Variants in NHSL1 observed in about 807,000 individuals in gnomAD.
The protein encoded by NHSL1 is NHS-like protein 1.
A neutral mutation model predicts 95.0 loss-of-function variants in NHSL1; 48 were observed. The observed-to-expected ratio is 0.51, with a 90% CI of 0.40 to 0.64. The LOEUF (loss-of-function observed/expected upper bound fraction) is 0.64, where lower values mean the gene tolerates loss of function less well. Among genes scored for constraint, NHSL1 ranks in the 30% least tolerant of loss-of-function variants. NHSL1 has a pLI of 0.00. For missense variants in NHSL1, 1,971 were observed against 2,077.7 expected (o/e 0.95, Z 1.00); for synonymous variants, 783 against 833.9 (o/e 0.94, Z 1.05).
chr6:138,494,979 A>G (rs572346149), intron 2 of NHSL1, among the ~76,000 whole-genome samples: 2 of 152,306 alleles, frequency 1.3e-5, no homozygotes, highest in South Asian at 4.1e-4. Context: ...GCAGTGGCTC[A>G]TGCCTGTAAT....
chr6:138,455,515 CCTG>C, intron 3 of NHSL1, among the ~76,000 whole-genome samples: 1 of 74,070 alleles, frequency 1.4e-5, no homozygotes, highest in African/African-American at 6.6e-5. Context: ...TCACATGCTC[CCTG>C]CAAGGAGCCC....
chr6:138,545,739 AGAGAGCGGGGCGGCCAGCCAGCGCCTGT>A, upstream of NHSL1: 1 of 1,248,142 alleles, frequency 8.0e-7, no homozygotes, highest in Non-Finnish European at 1.0e-6. Flanking sequence ...GCTCACTGCC[AGAGAGCGGGGCGGCCAGCCAGCGCCTGT>A]TACTCCAGGA....
chr6:138,672,885 C>T (rs1288056515), intron 1 of NHSL1, among the ~76,000 whole-genome samples: 1 of 152,018 alleles, frequency 6.6e-6, no homozygotes, highest in Non-Finnish European at 1.5e-5. Context: ...GGCATGGTGG[C>T]ACGCACTTGT....
chr6:138,553,547 C>A lies in NHSL1; in HGVS notation c.202+18163G>T, dbSNP rs73774832. 4.5e-3 allele frequency among the ~76,000 whole-genome samples: 683 copies of A among 152,278 alleles called. 6 individuals are homozygous for A. The highest frequency in any genetic ancestry group is 0.015 in the African/African-American group (640 of 41,564). ...TGATAGGTGATCCATGTTTGTTGCA[C>A]AGATATGTAAAGCAGAATTATTATT... is the stretch of plus-strand genomic sequence containing the variant. On this transcript the variant is annotated intron_variant, in intron 1 of 6. Coordinates refer to the NHSL1 transcript ENST00000427025.
At chr6:138,672,873 T>C (rs1356971284) in intron 1 of NHSL1, among the ~76,000 whole-genome samples, 1 of 151,988 alleles carries the variant, frequency 6.6e-6, no homozygotes, top group African/African-American at 2.4e-5. Context: ...AAAAATTAGC[T>C]GGGCATGGTG....
intron 1 of NHSL1, among the ~76,000 whole-genome samples, chr6:138,535,033 C>G (rs1782280308): frequency 6.6e-6 from 1 of 152,152 alleles, no homozygotes; most frequent in African/African-American, 2.4e-5. Context: ...CGAGCTTTTA[C>G]TCCGAGTGAA....
chr6:138,506,148 T>G (rs1317630795), intron 1 of NHSL1, among the ~76,000 whole-genome samples: 5 of 152,170 alleles, frequency 3.3e-5, no homozygotes, highest in African/African-American at 7.2e-5. Context: ...TTCTAAAAAT[T>G]TACATCATCT....
chr6:138,620,156 G>A (rs1180025547), intron 1 of NHSL1, among the ~76,000 whole-genome samples: 1 of 151,996 alleles, frequency 6.6e-6, no homozygotes, highest in Non-Finnish European at 1.5e-5. Context: ...TAGGTAAAGA[G>A]AAAGAAGAGC....
At chr6:138,565,529 G>A (rs566128866) in intron 1 of NHSL1, among the ~76,000 whole-genome samples, 31 of 152,178 alleles carry the variant, frequency 2.0e-4, no homozygotes, top group Non-Finnish European at 3.7e-4. Context: ...AGTAAGAGCT[G>A]ATGAGGGCCT....
Position 138,563,101 on chromosome 6 carries a change from ATC to A in NHSL1, c.202+8607_202+8608del, listed in dbSNP as rs142623858. 8.6e-3 allele frequency among the ~76,000 whole-genome samples: 1,305 copies of A among 152,238 alleles called. 22 individuals carry two copies. The highest frequency in any genetic ancestry group is 0.03 in the African/African-American group (1,246 of 41,544). On this transcript the variant is annotated intron_variant, in intron 1 of 6. Coordinates refer to the NHSL1 transcript ENST00000427025. ...TATACTCAGTTCCCTGCTTCCCCAC[ATC>A]TGTTTCTCTGCCCAGTTTTCAGTTC...
At chr6:138,671,854 A>G (rs1785375695) in intron 1 of NHSL1, among the ~76,000 whole-genome samples, 1 of 152,306 alleles carries the variant, frequency 6.6e-6, no homozygotes, top group Middle Eastern at 3.4e-3. Context: ...CGAATGGTGG[A>G]CACTGCTTTA....
intron 1 of NHSL1, among the ~76,000 whole-genome samples, chr6:138,518,658 C>A (rs528518134): frequency 6.6e-6 from 1 of 152,072 alleles, no homozygotes; most frequent in African/African-American, 2.4e-5. Context: ...CTACATACTA[C>A]GTTCTAATGG....
chr6:138,627,752 G>A (rs1447172632), intron 1 of NHSL1, among the ~76,000 whole-genome samples: 1 of 151,774 alleles, frequency 6.6e-6, no homozygotes, highest in Non-Finnish European at 1.5e-5. Context: ...GTGGTGGCGG[G>A]CGCCTGTAAT....
chr6:138,447,189 G>A lies in NHSL1; in HGVS notation c.344C>T (p.Ser115Phe), dbSNP rs1046490636. The A allele has an allele frequency of 1.3e-6, 2 of 1,550,038 alleles. No individual in the cohort carries two copies. The highest frequency in any genetic ancestry group is 1.7e-6 in the Non-Finnish European group (2 of 1,146,460). ...TCTTTCTTCTTCTGATGAAGACAGA[G>A]AACACTGCAGAGAAAAAAGAAGCAG... is the stretch of plus-strand genomic sequence containing the variant. ...DEDEETDQKC[S>F]LSSSEEERFI... is the part of the protein sequence containing the mutation. Residue 115 changes from serine (S) to phenylalanine (F), a missense_variant, in exon 4 of 8, where the codon TCT becomes TTT. Coordinates refer to ENST00000343505, the MANE Select transcript of NHSL1 (RefSeq NM_001144060.2).
intron 1 of NHSL1, among the ~76,000 whole-genome samples, chr6:138,657,491 T>C (rs1392870330): frequency 6.6e-6 from 1 of 152,076 alleles, no homozygotes; most frequent in East Asian, 1.9e-4. Context: ...CCCTGAACTA[T>C]TTGAAAAATG....
At chr6:138,622,527 G>C (rs752865118) in intron 1 of NHSL1, among the ~76,000 whole-genome samples, 23 of 152,128 alleles carry the variant, frequency 1.5e-4, no homozygotes, top group South Asian at 2.1e-4. Flanking sequence ...GTTCCCACGT[G>C]GGGGTGTTTC....
chr6:138,565,762 AAAAATAAAAT>A (rs146572935), intron 1 of NHSL1, among the ~76,000 whole-genome samples: 6 of 147,538 alleles, frequency 4.1e-5, no homozygotes, highest in South Asian at 2.1e-4. Flanking sequence ...CCATCTCTAC[AAAAATAAAAT>A]AAAATAAAAT....
At chr6:138,497,867 G>A (rs903831674) in intron 1 of NHSL1, among the ~76,000 whole-genome samples, 3 of 152,142 alleles carry the variant, frequency 2.0e-5, no homozygotes, top group African/African-American at 7.2e-5. Flanking sequence ...CACCTTCTCC[G>A]TAAGTTGCTA....
At chr6:138,504,366 C>G (rs1018132607), upstream of NHSL1, among the ~76,000 whole-genome samples, 4 of 152,158 alleles carry the variant, frequency 2.6e-5, no homozygotes, top group African/African-American at 9.7e-5. Flanking sequence ...AAAAGACACA[C>G]CCACACAGAT....
Sources: allele counts gnomAD v4.1 joint callset (sites outside exome capture counted in the v4.1 genomes callset), GRCh38; gene constraint gnomAD v4.1.1; transcripts MANE v1.5; gene names NCBI Gene and HGNC (gene_info 2026-07-23, HGNC 2026-07-21).